Variants in LTBP1 observed in about 807,000 individuals in gnomAD.
The protein encoded by LTBP1 is latent transforming growth factor beta binding protein 1.
Under a neutral mutation model 207.6 loss-of-function variants are expected in LTBP1, and 129 were observed. That is an observed-to-expected ratio of 0.62 (90% CI 0.54 to 0.72). LTBP1 has a LOEUF of 0.72. Ranked by LOEUF, LTBP1 falls within the 30% of genes least tolerant of loss-of-function variation. LTBP1 has a pLI of 0.00. For synonymous variants in LTBP1, 963 were observed against 833.7 expected (o/e 1.16, Z -2.67); for missense variants, 2,281 against 2,217.2 (o/e 1.03, Z -0.58).
At position 33,369,722 on chromosome 2, in the gene LTBP1, G is replaced by C. The variant is rs1479740888; in HGVS notation, c.4711+4219G>C. Among the ~76,000 whole-genome samples, 3 of 152,130 alleles carry C rather than the reference G, an allele frequency of 2.0e-5. No homozygotes were observed. In the East Asian group the frequency reaches 5.8e-4, roughly 29 times the overall value. On this transcript the variant is annotated intron_variant, in intron 31 of 33. Coordinates refer to ENST00000404816, the MANE Select transcript of LTBP1 (RefSeq NM_206943.4). The stretch of plus-strand genomic sequence containing the variant: ...ACACAAAAATAATTTTTTGTATTTG[G>C]TAGACACAGGGGAACTTTTCTTTTA...
intron 2 of LTBP1, among the ~76,000 whole-genome samples, chr2:32,999,759 G>A (rs553794503): frequency 1.5e-5 from 2 of 133,108 alleles, no homozygotes; most frequent in African/African-American, 2.6e-5. Context: ...GCATGGTGGC[G>A]CCAAGATCAC....
intron 2 of LTBP1, among the ~76,000 whole-genome samples, chr2:33,003,753 C>G (rs764993469): frequency 1.3e-5 from 2 of 152,132 alleles, no homozygotes; most frequent in African/African-American, 4.8e-5. Flanking sequence ...GTGTCAAAAC[C>G]CTGACAAATA....
chr2:33,279,916 A>T, intron 18 of LTBP1, 123 bp from the exon 19 acceptor site: 2 of 982,260 alleles, frequency 2.0e-6, no homozygotes, highest in African/African-American at 1.6e-5. Context: ...CACTTACCCA[A>T]TTATTGTTTT....
At chr2:33,072,930 G>A (rs2077871907) in intron 3 of LTBP1, among the ~76,000 whole-genome samples, 1 of 152,204 alleles carries the variant, frequency 6.6e-6, no homozygotes. Flanking sequence ...ATGTACTCCT[G>A]TCATGTGTCC....
chr2:33,180,093 A>G (rs2086465922), intron 5 of LTBP1, among the ~76,000 whole-genome samples: 1 of 152,162 alleles, frequency 6.6e-6, no homozygotes, highest in Non-Finnish European at 1.5e-5. Context: ...ATCTTGCTGT[A>G]TTCTTCCCCC....
chr2:33,313,995 A>G (rs1277016009), intron 23 of LTBP1, among the ~76,000 whole-genome samples: 1 of 152,160 alleles, frequency 6.6e-6, no homozygotes, highest in African/African-American at 2.4e-5. Context: ...GGTTTGAAAG[A>G]GCCTTTTACT....
At chr2:33,067,087 C>A (rs532801732) in intron 3 of LTBP1, among the ~76,000 whole-genome samples, 2 of 152,206 alleles carry the variant, frequency 1.3e-5, no homozygotes, top group East Asian at 3.9e-4. Context: ...CAGGAGGATT[C>A]CTTGAGCCCA....
At chr2:33,027,649 G>C (rs62135742) in intron 3 of LTBP1, among the ~76,000 whole-genome samples, 24,082 of 151,946 alleles carry the variant, frequency 0.16, 2,229 homozygotes, top group East Asian at 0.28. Flanking sequence ...ATCTGGCCAA[G>C]ATGGTGAAAC....
chr2:33,099,078 T>C (rs902092295), intron 3 of LTBP1, among the ~76,000 whole-genome samples: 4 of 152,220 alleles, frequency 2.6e-5, no homozygotes, highest in Non-Finnish European at 2.9e-5. Flanking sequence ...TCTCCAGATA[T>C]ATTGGCTTTA....
chr2:32,971,503 A>G (rs532504746), intron 2 of LTBP1, among the ~76,000 whole-genome samples: 1 of 152,042 alleles, frequency 6.6e-6, no homozygotes, highest in African/African-American at 2.4e-5. Context: ...TCAAACATGA[A>G]GGATATTGAT....
intron 2 of LTBP1, among the ~76,000 whole-genome samples, chr2:33,020,066 C>T (rs1363758994): frequency 6.6e-6 from 1 of 152,084 alleles, no homozygotes; most frequent in Non-Finnish European, 1.5e-5. Flanking sequence ...AGAGTACATA[C>T]ATCCTTGCAA....
chr2:33,134,589 C>G lies in LTBP1; in HGVS notation c.1034-204C>G. Reference sequence around the variant, plus strand: ...GTTCTGTTTGCTAAGCTTCCTACTCCTGTTTCAGAGACACCACTGAATACA... The same window carrying G: ...GTTCTGTTTGCTAAGCTTCCTACTCGTGTTTCAGAGACACCACTGAATACA... On this transcript the variant is annotated intron_variant, in intron 4 of 33. Coordinates refer to ENST00000404816, the MANE Select transcript of LTBP1 (RefSeq NM_206943.4). The surrounding 1 kb of genome is among the most constrained non-coding windows in gnomAD (Gnocchi z 4.4). 6.5e-7 allele frequency: 1 copy of G among 1,537,324 alleles called. No individual in the cohort carries two copies. The highest frequency in any genetic ancestry group is 8.8e-7 in the Non-Finnish European group (1 of 1,140,020).
chr2:33,355,619 G>T (rs980303115), intron 26 of LTBP1, among the ~76,000 whole-genome samples: 1 of 152,080 alleles, frequency 6.6e-6, no homozygotes, highest in African/African-American at 2.4e-5. Flanking sequence ...TGGCTTCCAG[G>T]AGCCCCTTCA....
intron 7 of LTBP1, among the ~76,000 whole-genome samples, chr2:33,196,246 A>C (rs989294456): frequency 6.6e-6 from 1 of 152,212 alleles, no homozygotes; most frequent in Admixed American, 6.5e-5. Flanking sequence ...TGAGCGGTTC[A>C]TATGCAGGTG....
chr2:33,273,796 G>C lies in LTBP1; in HGVS notation c.2743+15G>C, dbSNP rs2093368442. On this transcript the variant is annotated intron_variant, in intron 16 of 33. Coordinates refer to ENST00000404816, the MANE Select transcript of LTBP1 (RefSeq NM_206943.4). ...GAAATGTGTGGGTAAGAGACAATTT[G>C]ATTGACTAAATTATTAAATATCAAA... 1 of 1,576,414 alleles carries C rather than the reference G, an allele frequency of 6.3e-7. No homozygotes were observed. The highest frequency in any genetic ancestry group is 2.3e-5 in the East Asian group (1 of 43,824).
intron 2 of LTBP1, among the ~76,000 whole-genome samples, chr2:32,980,410 A>G (rs1424234743): frequency 1.3e-5 from 2 of 152,164 alleles, no homozygotes; most frequent in South Asian, 4.1e-4. Flanking sequence ...CACTGATTGC[A>G]TAAAGAAACT....
intron 19 of LTBP1, among the ~76,000 whole-genome samples, chr2:33,288,498 G>T (rs1340042801): frequency 6.6e-6 from 1 of 152,186 alleles, no homozygotes; most frequent in African/African-American, 2.4e-5. Context: ...CTGTGAAATT[G>T]TGGAGAATTG....
chr2:33,228,958 G>C (rs952279953), intron 9 of LTBP1, among the ~76,000 whole-genome samples: 5 of 151,736 alleles, frequency 3.3e-5, no homozygotes, highest in Non-Finnish European at 7.4e-5. Flanking sequence ...CTCAGCCTCT[G>C]AAAGTGCTGG....
At chr2:32,996,041 G>T (rs1017969165) in intron 2 of LTBP1, among the ~76,000 whole-genome samples, 3 of 151,970 alleles carry the variant, frequency 2.0e-5, no homozygotes, top group African/African-American at 7.3e-5. Flanking sequence ...TCCTATATAC[G>T]TATCGATATA....
Sources: gnomAD v4.1 joint callset for allele counts (sites outside exome capture counted in the v4.1 genomes callset) on GRCh38, gnomAD v4.1.1 for gene constraint, Gnocchi (gnomAD v3.1) non-coding constraint, MANE v1.5 for transcripts, NCBI Gene and HGNC (gene_info 2026-07-23, HGNC 2026-07-21) for gene names.